Variants in KCNH1 observed in about 807,000 individuals in gnomAD.
KCNH1 encodes the protein voltage-gated delayed rectifier potassium channel KCNH1.
A neutral mutation model predicts 69.2 loss-of-function variants in KCNH1; 27 were observed. That is an observed-to-expected ratio of 0.39 (90% confidence interval 0.29 to 0.54). KCNH1 has a LOEUF of 0.54. Among genes scored for constraint, KCNH1 ranks in the 20% least tolerant of loss-of-function variants. The probability of loss-of-function intolerance (pLI) is 0.68; values close to 1 mark genes in which losing one functional copy is unlikely to be tolerated. For missense variants in KCNH1, 798 were observed against 1,261.6 expected (o/e 0.63, Z 5.57); for synonymous variants, 456 against 487.7 (o/e 0.93, Z 0.86).
intron 2 of KCNH1, 53 bp from the exon 3 acceptor site, chr1:211,103,655 A>G: frequency 8.7e-7 from 1 of 1,147,948 alleles, no homozygotes; most frequent in East Asian, 2.3e-5. Context: ...ATTATTCTAC[A>G]AGCATATGTT....
intron 6 of KCNH1, among the ~76,000 whole-genome samples, chr1:210,922,411 A>C (rs1331260989): frequency 6.0e-4 from 72 of 120,786 alleles, no homozygotes; most frequent in East Asian, 2.6e-3. Flanking sequence ...AAAAAAAAAA[A>C]AAAAAAAAAA....
chr1:210,910,578 C>A (rs1163236737), intron 7 of KCNH1, among the ~76,000 whole-genome samples: 1 of 152,214 alleles, frequency 6.6e-6, no homozygotes, highest in South Asian at 2.1e-4. Flanking sequence ...AGGGTGGCAA[C>A]ACAGACTGGT....
At chr1:211,043,917 A>T (rs915821372) in intron 5 of KCNH1, among the ~76,000 whole-genome samples, 9 of 152,188 alleles carry the variant, frequency 5.9e-5, no homozygotes, top group Non-Finnish European at 1.2e-4. Context: ...CTCTCAGCCA[A>T]ATCAGCATAC....
intron 7 of KCNH1, among the ~76,000 whole-genome samples, chr1:210,906,888 G>C (rs1275866229): frequency 6.6e-6 from 1 of 152,186 alleles, no homozygotes; most frequent in Non-Finnish European, 1.5e-5. Flanking sequence ...TGGATAGCTG[G>C]AGGCTAGGGA....
intron 10 of KCNH1, among the ~76,000 whole-genome samples, chr1:210,766,273 C>T (rs1436600329): frequency 6.6e-6 from 1 of 152,128 alleles, no homozygotes; most frequent in African/African-American, 2.4e-5. Context: ...CGCCTGTAAT[C>T]CCAGCACTTT....
intron 8 of KCNH1, among the ~76,000 whole-genome samples, chr1:210,799,148 G>T (rs1214566117): frequency 6.6e-6 from 1 of 152,010 alleles, no homozygotes; most frequent in East Asian, 1.9e-4. Flanking sequence ...GTTGAACAGG[G>T]TTGTGATTTT....
chr1:210,738,114 G>A (rs1004296710), intron 10 of KCNH1, among the ~76,000 whole-genome samples: 17 of 151,464 alleles, frequency 1.1e-4, no homozygotes, highest in African/African-American at 2.7e-4. Flanking sequence ...CACTCCCCCC[G>A]CAACCATATT....
chr1:211,018,718 T>C, intron 6 of KCNH1, 65 bp downstream of exon 6: 1 of 1,267,556 alleles, frequency 7.9e-7, no homozygotes, highest in Non-Finnish European at 1.1e-6. Context: ...ATTCTTCTGT[T>C]GACCACCCAC....
chr1:210,941,683 A>G (rs1256349016), intron 6 of KCNH1, among the ~76,000 whole-genome samples: 2 of 152,180 alleles, frequency 1.3e-5, no homozygotes, highest in African/African-American at 4.8e-5. Context: ...GCTGGTTCCC[A>G]AAAGAGGTGC....
At chr1:210,759,258 C>G (rs1326566765) in intron 10 of KCNH1, among the ~76,000 whole-genome samples, 1 of 151,118 alleles carries the variant, frequency 6.6e-6, no homozygotes, top group Non-Finnish European at 1.5e-5. Context: ...AATAAAAAAT[C>G]CAGAGTGTTA....
intron 7 of KCNH1, among the ~76,000 whole-genome samples, chr1:210,811,531 T>G (rs1684703389): frequency 6.6e-6 from 1 of 152,158 alleles, no homozygotes; most frequent in Non-Finnish European, 1.5e-5. Flanking sequence ...CTTTTTGTCT[T>G]TATGGATTTA....
At chr1:210,951,527 G>A (rs1250884169) in intron 6 of KCNH1, among the ~76,000 whole-genome samples, 1 of 152,100 alleles carries the variant, frequency 6.6e-6, no homozygotes, top group African/African-American at 2.4e-5. Flanking sequence ...TTGTCGGTTT[G>A]AGTTTACAAC....
chr1:211,059,075 T>C (rs1434083376), intron 5 of KCNH1, among the ~76,000 whole-genome samples: 2 of 151,702 alleles, frequency 1.3e-5, no homozygotes, highest in African/African-American at 4.8e-5. Context: ...GGTCAGGAGT[T>C]CAAGACCATC....
At chr1:210,737,242 G>A (rs549937410) in intron 10 of KCNH1, among the ~76,000 whole-genome samples, 7 of 152,260 alleles carry the variant, frequency 4.6e-5, no homozygotes, top group South Asian at 2.1e-4. Context: ...GAGTAACTAC[G>A]AGGAAAGACA....
intron 6 of KCNH1, among the ~76,000 whole-genome samples, chr1:210,965,575 A>G (rs1270200591): frequency 1.3e-5 from 2 of 151,708 alleles, no homozygotes; most frequent in Non-Finnish European, 1.5e-5. Flanking sequence ...AAACTATACT[A>G]CCAACTATAC....
chr1:210,839,298 C>A (rs1175267971), intron 7 of KCNH1, among the ~76,000 whole-genome samples: 1 of 152,140 alleles, frequency 6.6e-6, no homozygotes, highest in Non-Finnish European at 1.5e-5. Flanking sequence ...CTTTAGCAAA[C>A]TAACACAGGA....
At chr1:210,931,577 G>A (rs1223394786) in intron 6 of KCNH1, among the ~76,000 whole-genome samples, 1 of 152,066 alleles carries the variant, frequency 6.6e-6, no homozygotes, top group Non-Finnish European at 1.5e-5. Context: ...CACTGCTCTG[G>A]TGATGGGTGC....
intron 5 of KCNH1, among the ~76,000 whole-genome samples, chr1:211,033,141 G>A (rs948637323): frequency 2.0e-5 from 3 of 152,190 alleles, no homozygotes; most frequent in African/African-American, 2.4e-5. Flanking sequence ...CATTTATGCA[G>A]CCAAAAGACA....
chr1:210,704,790 G>T (rs1475945635), intron 10 of KCNH1, among the ~76,000 whole-genome samples: 3 of 152,146 alleles, frequency 2.0e-5, no homozygotes, highest in Admixed American at 2.0e-4. Flanking sequence ...ACATAATTTG[G>T]TCTTTTATTT....
Sources: allele counts gnomAD v4.1 joint callset (sites outside exome capture counted in the v4.1 genomes callset), GRCh38; gene constraint gnomAD v4.1.1; transcripts MANE v1.5; gene names NCBI Gene and HGNC (gene_info 2026-07-23, HGNC 2026-07-21).